Variants in NTNG1 observed in about 807,000 individuals in gnomAD.
NTNG1 encodes the protein netrin-G1.
In NTNG1, 16 loss-of-function variants were observed where a neutral mutation model predicts 54.0. The observed-to-expected ratio is 0.30, with a 90% CI of 0.20 to 0.45. The LOEUF (loss-of-function observed/expected upper bound fraction) is 0.45, where lower values mean the gene tolerates loss of function less well. Among genes scored for constraint, NTNG1 ranks in the 20% least tolerant of loss-of-function variants. The pLI, the probability that NTNG1 is intolerant of heterozygous loss-of-function variation, is 1.00. For missense variants in NTNG1, 530 were observed against 678.7 expected (o/e 0.78, Z 2.43); for synonymous variants, 255 against 263.1 (o/e 0.97, Z 0.30).
intron 7 of NTNG1, among the ~76,000 whole-genome samples, chr1:107,473,377 T>G (rs1405125192): frequency 6.6e-6 from 1 of 152,130 alleles, no homozygotes; most frequent in Non-Finnish European, 1.5e-5. Flanking sequence ...AAGTGACCCC[T>G]CAGCTCATAA....
At chr1:107,413,168 A>ATTT (rs376659783) in intron 5 of NTNG1, among the ~76,000 whole-genome samples, 5 of 119,250 alleles carry the variant, frequency 4.2e-5, no homozygotes, top group African/African-American at 1.6e-4. Context: ...TTTTTTTTTC[A>ATTT]TTTTTTTTTT....
At chr1:107,338,443 T>A (rs1290456347) in intron 3 of NTNG1, among the ~76,000 whole-genome samples, 3 of 151,882 alleles carry the variant, frequency 2.0e-5, no homozygotes, top group African/African-American at 7.2e-5. Flanking sequence ...CCCAGCTAGG[T>A]CTGCTGCTGC....
intron 2 of NTNG1, among the ~76,000 whole-genome samples, chr1:107,308,224 G>T (rs1666798632): frequency 6.6e-6 from 1 of 152,082 alleles, no homozygotes; most frequent in African/African-American, 2.4e-5. Flanking sequence ...TGAAATCTTT[G>T]CCTGTTCCTA....
intron 2 of NTNG1, among the ~76,000 whole-genome samples, chr1:107,221,022 C>G (rs1299976661): frequency 6.6e-6 from 1 of 152,002 alleles, no homozygotes; most frequent in African/African-American, 2.4e-5. Context: ...TCCTCTAAGC[C>G]TGGCAAACTT....
intron 2 of NTNG1, among the ~76,000 whole-genome samples, chr1:107,299,385 G>A (rs552922997): frequency 3.3e-5 from 5 of 151,972 alleles, no homozygotes; most frequent in South Asian, 2.1e-4. Context: ...AATTTGAAGC[G>A]TTTTTTTTCT....
chr1:107,429,132 C>T lies in NTNG1; in HGVS notation c.1088-1618C>T, dbSNP rs547782582. Among the ~76,000 whole-genome samples the T allele has an allele frequency of 2.6e-5, 4 of 152,170 alleles. No individual in the cohort carries two copies. The South Asian group carries it at 8.3e-4, about 32-fold the overall frequency. On this transcript the variant is annotated intron_variant, in intron 5 of 7. Coordinates refer to ENST00000370068, the MANE Select transcript of NTNG1 (RefSeq NM_001113226.3). ...AATAAACGAAGTGGTTTGGCTTCAGCATCCCCCCTTTCTTCTTGCCTCTCT... is the reference window on the plus strand; with the variant it reads ...AATAAACGAAGTGGTTTGGCTTCAGTATCCCCCCTTTCTTCTTGCCTCTCT...
chr1:107,434,801 C>A (rs949805624), intron 6 of NTNG1, among the ~76,000 whole-genome samples: 1 of 152,084 alleles, frequency 6.6e-6, no homozygotes, highest in Non-Finnish European at 1.5e-5. Context: ...AAAATATGAT[C>A]CTCCAAGACT....
chr1:107,408,018 C>G, intron 5 of NTNG1: 1 of 533,836 alleles, frequency 1.9e-6, no homozygotes, highest in South Asian at 1.6e-5. Flanking sequence ...ATAAGTAGTC[C>G]TATTTATCCA....
rs59386051 is a variant in NTNG1, at chr1:107,324,881, A to G, written c.846A>G (p.Ala282=). ...TATTTGTAGATGAGCTACACTTGGC[A>G]CGCTACTTTTACGCGATCTCAGACA... ...GEIFVDELHL[A]RYFYAISDIK... The change falls in exon 3 of 8, where the codon GCA becomes GCG. Residue 282 remains alanine, a synonymous_variant. Transcript: ENST00000370068. 4.7e-3 allele frequency: 7,573 copies of G among 1,613,136 alleles called. 310 individuals are homozygous for G. In the African/African-American group the frequency reaches 0.089, roughly 19 times the overall value.
chr1:107,228,207 A>G (rs1317131074), intron 2 of NTNG1, among the ~76,000 whole-genome samples: 1 of 152,190 alleles, frequency 6.6e-6, no homozygotes, highest in Non-Finnish European at 1.5e-5. Flanking sequence ...AAATAGCATT[A>G]TCCCTTATGC....
chr1:107,153,440 G>T (rs1413200783), intron 2 of NTNG1, among the ~76,000 whole-genome samples: 1 of 152,136 alleles, frequency 6.6e-6, no homozygotes, highest in Non-Finnish European at 1.5e-5. Context: ...GTAAATGAAT[G>T]AAGTTTTAGT....
chr1:107,290,851 C>A (rs1665534637), intron 2 of NTNG1, among the ~76,000 whole-genome samples: 1 of 150,966 alleles, frequency 6.6e-6, no homozygotes, highest in Non-Finnish European at 1.5e-5. Flanking sequence ...AAAACCCACT[C>A]ATGTATATAT....
chr1:107,144,177 T>A (rs1341086794), intron 1 of NTNG1, among the ~76,000 whole-genome samples: 1 of 152,150 alleles, frequency 6.6e-6, no homozygotes, highest in African/African-American at 2.4e-5. Flanking sequence ...TGTAATAAAT[T>A]TCATTATGAC....
intron 2 of NTNG1, among the ~76,000 whole-genome samples, chr1:107,304,018 G>GAA (rs113866125): frequency 1.4e-3 from 203 of 140,026 alleles, no homozygotes; most frequent in African/African-American, 4.9e-3. Context: ...CCTCTTTTCA[G>GAA]AAAAAAAAAA....
intron 2 of NTNG1, among the ~76,000 whole-genome samples, chr1:107,204,149 C>T (rs1024090632): frequency 6.6e-6 from 1 of 151,852 alleles, no homozygotes; most frequent in Non-Finnish European, 1.5e-5. Flanking sequence ...GTTTTTCCCC[C>T]TCTGGAATAC....
intron 2 of NTNG1, among the ~76,000 whole-genome samples, chr1:107,158,763 T>A (rs528114902): frequency 1.3e-5 from 2 of 152,256 alleles, no homozygotes; most frequent in South Asian, 4.2e-4. Context: ...AGGAAAAAAT[T>A]ATAAACTGGT....
chr1:107,369,392 C>T (rs546123245), intron 3 of NTNG1, among the ~76,000 whole-genome samples: 1 of 152,300 alleles, frequency 6.6e-6, no homozygotes, highest in South Asian at 2.1e-4. Flanking sequence ...AGTTCCTCCA[C>T]ATCCTTCACC....
chr1:107,216,041 T>C lies in NTNG1; in HGVS notation c.246+67202T>C, dbSNP rs150044411. Among the ~76,000 whole-genome samples the C allele has an allele frequency of 4.2e-3, 634 of 152,236 alleles. 1 individual carries two copies. Among genetic ancestry groups the C allele is most frequent in the South Asian group, 7.3e-3 (35 of 4,816 alleles). ...AATTCATTTCCCAGTTCTGGAAGCC[T>C]TTTGGATGAGTCTTTGGGGTTTTCA... On this transcript the variant is annotated intron_variant, in intron 2 of 7. Coordinates refer to ENST00000370068, the MANE Select transcript of NTNG1 (RefSeq NM_001113226.3).
chr1:107,213,989 T>A (rs1285056763), intron 2 of NTNG1, among the ~76,000 whole-genome samples: 28 of 152,186 alleles, frequency 1.8e-4, no homozygotes, highest in Admixed American at 1.8e-3. Context: ...GACATATGTA[T>A]GAAAATATCT....
Sources: allele counts gnomAD v4.1 joint callset (sites outside exome capture counted in the v4.1 genomes callset), GRCh38; gene constraint gnomAD v4.1.1; transcripts MANE v1.5; gene names NCBI Gene and HGNC (gene_info 2026-07-23, HGNC 2026-07-21).